MACROD2: variants seen among roughly 807,000 people sequenced by gnomAD.
MACROD2 encodes the protein ADP-ribose glycohydrolase MACROD2.
Under a neutral mutation model 70.4 loss-of-function variants are expected in MACROD2, and 36 were observed. The observed-to-expected ratio is 0.51, with a 90% CI of 0.39 to 0.68. The LOEUF is 0.68. Ranked by LOEUF, MACROD2 falls within the 30% of genes least tolerant of loss-of-function variation. The probability of loss-of-function intolerance (pLI) is 0.00; values close to 1 mark genes in which losing one functional copy is unlikely to be tolerated. For missense variants in MACROD2, 496 were observed against 538.4 expected, an observed-to-expected ratio of 0.92 and a Z score of 0.78; for synonymous variants, 172 against 178.8, an observed-to-expected ratio of 0.96 and a Z score of 0.30.
intron 3 of MACROD2, among the ~76,000 whole-genome samples, chr20:14,482,425 T>G (rs62204437): frequency 0.15 from 22,511 of 151,668 alleles, 2,385 homozygotes; most frequent in Non-Finnish European, 0.21. Context: ...TTCCTTACTC[T>G]ATATTCCTTA....
intron 3 of MACROD2, among the ~76,000 whole-genome samples, chr20:14,168,718 T>C (rs184201324): frequency 6.3e-4 from 96 of 152,328 alleles, no homozygotes; most frequent in African/African-American, 2.2e-3. Flanking sequence ...CTTCACCTAC[T>C]TATCTTTCCC....
intron 4 of MACROD2, among the ~76,000 whole-genome samples, chr20:14,546,120 A>G (rs2085489142): frequency 6.6e-6 from 1 of 152,214 alleles, no homozygotes; most frequent in African/African-American, 2.4e-5. Flanking sequence ...AGGTCTCCCT[A>G]TTAATTTTCA....
At chr20:14,005,489 G>A (rs1051642450) in intron 2 of MACROD2, among the ~76,000 whole-genome samples, 1 of 152,038 alleles carries the variant, frequency 6.6e-6, no homozygotes, top group South Asian at 2.1e-4. Flanking sequence ...CTCTCCTATT[G>A]TACTGTCTCT....
intron 8 of MACROD2, among the ~76,000 whole-genome samples, chr20:15,531,000 CT>C (rs10676355): frequency 1.1e-3 from 150 of 134,564 alleles, no homozygotes; most frequent in Middle Eastern, 3.9e-3. Context: ...AATAACTTCG[CT>C]TTTTTTTTTT....
At chr20:14,781,313 A>G (rs1291555428) in intron 5 of MACROD2, among the ~76,000 whole-genome samples, 1 of 151,754 alleles carries the variant, frequency 6.6e-6, no homozygotes, top group Non-Finnish European at 1.5e-5. Context: ...GCATTTCTGT[A>G]TAGCATTTAA....
intron 3 of MACROD2, among the ~76,000 whole-genome samples, chr20:14,213,399 G>C (rs1203050535): frequency 1.4e-5 from 1 of 72,894 alleles, no homozygotes; most frequent in Non-Finnish European, 2.6e-5. Flanking sequence ...CCAATTATAA[G>C]ATCCCTAGAG....
intron 5 of MACROD2, among the ~76,000 whole-genome samples, chr20:15,134,905 A>G (rs766744827): frequency 0.04 from 6,095 of 152,226 alleles, 175 homozygotes; most frequent in Middle Eastern, 0.061. Flanking sequence ...CCACAGAAAT[A>G]CAAACTACCA....
intron 8 of MACROD2, among the ~76,000 whole-genome samples, chr20:15,513,120 C>T (rs996395): frequency 0.056 from 8,589 of 152,246 alleles, 791 homozygotes; most frequent in African/African-American, 0.19. Flanking sequence ...ACTCATCAAA[C>T]GTTCTTTTCT....
At chr20:15,331,355 G>A (rs6079759) in intron 6 of MACROD2, among the ~76,000 whole-genome samples, 3 of 151,232 alleles carry the variant, frequency 2.0e-5, no homozygotes, top group Admixed American at 6.6e-5. Context: ...GGTCTACTTG[G>A]TTGAACTATT....
intron 8 of MACROD2, among the ~76,000 whole-genome samples, chr20:15,558,058 A>T (rs907258242): frequency 2.0e-5 from 3 of 152,246 alleles, no homozygotes; most frequent in African/African-American, 7.2e-5. Context: ...GGTAAGCATA[A>T]CTAAGATATA....
intron 7 of MACROD2, among the ~76,000 whole-genome samples, chr20:15,486,358 A>G (rs2047163485): frequency 6.6e-6 from 1 of 152,174 alleles, no homozygotes; most frequent in South Asian, 2.1e-4. Context: ...AGGCTTTCTT[A>G]TATCTTTCAG....
chr20:14,083,130 A>G (rs2054021856), intron 2 of MACROD2, among the ~76,000 whole-genome samples: 1 of 151,778 alleles, frequency 6.6e-6, no homozygotes. Context: ...GTAAAAAAAA[A>G]AAAAAAAAAA....
At chr20:14,690,942 G>A (rs1248980402) in intron 5 of MACROD2, among the ~76,000 whole-genome samples, 1 of 152,148 alleles carries the variant, frequency 6.6e-6, no homozygotes, top group Non-Finnish European at 1.5e-5. Context: ...GAGTCAGACG[G>A]ATTCCAGCTC....
intron 2 of MACROD2, among the ~76,000 whole-genome samples, chr20:14,083,273 A>G (rs1180857920): frequency 1.3e-5 from 2 of 151,918 alleles, no homozygotes; most frequent in Admixed American, 6.6e-5. Flanking sequence ...CTCTCCTAAA[A>G]ATAGCTGGGC....
intron 3 of MACROD2, among the ~76,000 whole-genome samples, chr20:14,398,102 G>A (rs2083599895): frequency 6.6e-6 from 1 of 152,120 alleles, no homozygotes; most frequent in South Asian, 2.1e-4. Context: ...TTGTGTGTGT[G>A]TGTCTGTGTG....
At chr20:14,910,728 A>G (rs928377926) in intron 5 of MACROD2, among the ~76,000 whole-genome samples, 1 of 152,118 alleles carries the variant, frequency 6.6e-6, no homozygotes, top group Non-Finnish European at 1.5e-5. Context: ...TCAGTTCTTT[A>G]TACCAGTTGA....
At chr20:14,389,126 C>T (rs528829212) in intron 3 of MACROD2, among the ~76,000 whole-genome samples, 8 of 152,124 alleles carry the variant, frequency 5.3e-5, no homozygotes, top group African/African-American at 1.9e-4. Flanking sequence ...GTGATCCGCT[C>T]GCCTCGGCCT....
At chr20:14,905,480 A>G (rs542922317) in intron 5 of MACROD2, 14 of 152,292 alleles carry the variant, frequency 9.2e-5, no homozygotes, top group Non-Finnish European at 1.6e-4. Flanking sequence ...AGAGTGAGGA[A>G]GGCAAGTTCT....
At chr20:15,977,511 T>C (rs535088573) in intron 13 of MACROD2, among the ~76,000 whole-genome samples, 2 of 152,354 alleles carry the variant, frequency 1.3e-5, no homozygotes, top group South Asian at 2.1e-4. Context: ...GACTTTACCT[T>C]GTTGTTAAAG....
Sources: allele counts gnomAD v4.1 joint callset (sites outside exome capture counted in the v4.1 genomes callset), GRCh38; gene constraint gnomAD v4.1.1; transcripts MANE v1.5; gene names NCBI Gene and HGNC (gene_info 2026-07-23, HGNC 2026-07-21).